The following PDS5B variants were observed in gnomAD, a reference collection of about 807,000 sequenced individuals.
PDS5B encodes the protein PDS5 cohesin associated factor B.
Under a neutral mutation model 184.1 loss-of-function variants are expected in PDS5B, and 51 were observed. That is an observed-to-expected ratio of 0.28 (90% confidence interval 0.22 to 0.35). PDS5B has a LOEUF of 0.35. PDS5B is among the 10% of genes least tolerant of loss of function. PDS5B has a pLI of 1.00. For synonymous variants in PDS5B, 566 were observed against 569.2 expected (o/e 0.99, Z 0.08); for missense variants, 1,180 against 1,723.3 (o/e 0.68, Z 5.58).
intron 9 of PDS5B, among the ~76,000 whole-genome samples, chr13:32,677,025 A>C (rs987256474): frequency 6.6e-6 from 1 of 150,808 alleles, no homozygotes; most frequent in Admixed American, 6.6e-5. Flanking sequence ...CTTTCTTTAC[A>C]TTTTAATGAA....
chr13:32,752,217 G>C (rs1000725994), intron 24 of PDS5B, among the ~76,000 whole-genome samples: 1 of 152,092 alleles, frequency 6.6e-6, no homozygotes, highest in African/African-American at 2.4e-5. Context: ...TTATTATATA[G>C]TATATTGTTA....
chr13:32,657,425 T>C (rs1021971733), intron 3 of PDS5B, among the ~76,000 whole-genome samples: 2 of 152,238 alleles, frequency 1.3e-5, no homozygotes, highest in Non-Finnish European at 2.9e-5. Flanking sequence ...TAGATTTTTC[T>C]CCATCCCTTT....
intron 19 of PDS5B, among the ~76,000 whole-genome samples, chr13:32,728,901 A>G (rs1274050557): frequency 6.6e-6 from 1 of 152,164 alleles, no homozygotes; most frequent in Non-Finnish European, 1.5e-5. Flanking sequence ...ACAGTTTTTC[A>G]TGCATTTTAG....
intron 1 of PDS5B, among the ~76,000 whole-genome samples, chr13:32,614,413 T>A (rs2058189324): frequency 6.6e-6 from 1 of 151,960 alleles, no homozygotes; most frequent in South Asian, 2.1e-4. Flanking sequence ...TTCTCATGCC[T>A]TGGCCTCTAG....
rs753083439 is a variant in PDS5B at position 32,658,220 on chromosome 13, TTG to T, written c.313-17_313-16del. 3.4e-6 allele frequency: 4 copies of T among 1,165,396 alleles called. No individual in the cohort carries two copies. The African/African-American group carries it at 6.1e-5, about 18-fold the overall frequency. 72.2% of individuals were successfully genotyped at this position (1,165,396 alleles called of 1,614,324 possible). Reference sequence around the variant, plus strand: ...TAGCGTTCATAATCTAAATGGCACTTTGTCTTTTTTTATTTAAGGATATATTT... The same window carrying T: ...TAGCGTTCATAATCTAAATGGCACTTTCTTTTTTTATTTAAGGATATATTT... On this transcript the variant is annotated splice_polypyrimidine_tract_variant and intron_variant, in intron 3 of 34. Coordinates refer to ENST00000315596, the MANE Select transcript of PDS5B (RefSeq NM_015032.4).
chr13:32,644,094 G>A (rs189988767), intron 1 of PDS5B, among the ~76,000 whole-genome samples: 1 of 152,248 alleles, frequency 6.6e-6, no homozygotes, highest in Non-Finnish European at 1.5e-5. Flanking sequence ...GCTGGGAGTA[G>A]ACATCATTTC....
chr13:32,669,434 C>A (rs758545864), intron 7 of PDS5B, among the ~76,000 whole-genome samples: 7 of 151,828 alleles, frequency 4.6e-5, no homozygotes, highest in Non-Finnish European at 1.0e-4. Flanking sequence ...AAGGAAAAAA[C>A]CCACAATAAA....
intron 1 of PDS5B, among the ~76,000 whole-genome samples, chr13:32,602,510 G>C (rs1244146697): frequency 6.6e-6 from 1 of 152,114 alleles, no homozygotes; most frequent in African/African-American, 2.4e-5. Flanking sequence ...ATGGACATTT[G>C]GGTTGGTTCT....
chr13:32,698,753 TTCTC>T (rs1349786763), intron 15 of PDS5B, among the ~76,000 whole-genome samples: 1 of 151,674 alleles, frequency 6.6e-6, no homozygotes, highest in South Asian at 2.1e-4. Context: ...GTCCACAGAG[TTCTC>T]TCTTTTTTTT....
At chr13:32,622,234 G>C (rs1277553920) in intron 1 of PDS5B, among the ~76,000 whole-genome samples, 2 of 151,818 alleles carry the variant, frequency 1.3e-5, no homozygotes, top group African/African-American at 4.8e-5. Flanking sequence ...AAACATTTAA[G>C]GCTATAAATT....
At chr13:32,592,921 G>A (rs2057799062) in intron 1 of PDS5B, among the ~76,000 whole-genome samples, 1 of 152,162 alleles carries the variant, frequency 6.6e-6, no homozygotes, top group Non-Finnish European at 1.5e-5. Flanking sequence ...AATCTGAACA[G>A]TGGGACTAAC....
chr13:32,629,756 A>G (rs1308714510), intron 1 of PDS5B, among the ~76,000 whole-genome samples: 3 of 152,082 alleles, frequency 2.0e-5, no homozygotes, highest in Non-Finnish European at 2.9e-5. Flanking sequence ...TTCCAGCCAT[A>G]TAACCATGTA....
intron 31 of PDS5B, among the ~76,000 whole-genome samples, chr13:32,766,999 A>G (rs1272335873): frequency 1.3e-5 from 2 of 152,132 alleles, no homozygotes; most frequent in Non-Finnish European, 2.9e-5. Context: ...AAAAACAGTT[A>G]ATTTTTAATT....
intron 1 of PDS5B, among the ~76,000 whole-genome samples, chr13:32,642,657 T>C (rs1239828668): frequency 6.6e-6 from 1 of 152,120 alleles, no homozygotes; most frequent in Non-Finnish European, 1.5e-5. Context: ...CTCTTTGTTG[T>C]CTCTTTATTT....
rs551565920 is a variant in PDS5B, at chr13:32,675,416, G to A, written c.847-428G>A. Among the ~76,000 whole-genome samples the A allele has an allele frequency of 2.6e-5, 4 of 152,290 alleles. No individual in the cohort carries two copies. In the South Asian group the frequency reaches 8.3e-4, roughly 32 times the overall value. On this transcript the variant is annotated intron_variant, in intron 8 of 34. Coordinates refer to ENST00000315596, the MANE Select transcript of PDS5B (RefSeq NM_015032.4). ...GGAGACTGTAGCACATACTAATAGA[G>A]CTAAAAAGTTTATTCACACAGAGTT...
chr13:32,737,329 G>C (rs1445039189), intron 21 of PDS5B, among the ~76,000 whole-genome samples: 2 of 152,092 alleles, frequency 1.3e-5, no homozygotes, highest in Non-Finnish European at 2.9e-5. Flanking sequence ...TATGTCTAGA[G>C]TATATTTGTC....
intron 30 of PDS5B, chr13:32,763,306 G>C (rs1464844819): frequency 1.3e-5 from 2 of 152,534 alleles, no homozygotes; most frequent in East Asian, 3.8e-4. Flanking sequence ...TTGCCCTGAT[G>C]ATTTGTGCAG....
At chr13:32,671,165 T>C (rs886380625) in intron 7 of PDS5B, among the ~76,000 whole-genome samples, 1 of 152,264 alleles carries the variant, frequency 6.6e-6, no homozygotes, top group African/African-American at 2.4e-5. Context: ...ATATATTCTA[T>C]GCCTCCTCTG....
chr13:32,678,012 CAA>C (rs533268829), intron 9 of PDS5B, among the ~76,000 whole-genome samples: 1 of 140,168 alleles, frequency 7.1e-6, no homozygotes. Context: ...GGTAGTCTGG[CAA>C]AAAAAAAAAA....
Sources: gnomAD v4.1 joint callset for allele counts (sites outside exome capture counted in the v4.1 genomes callset) on GRCh38, gnomAD v4.1.1 for gene constraint, MANE v1.5 for transcripts, NCBI Gene and HGNC (gene_info 2026-07-23, HGNC 2026-07-21) for gene names.